ZMAT4: variants seen among roughly 807,000 people sequenced by gnomAD.
ZMAT4 encodes zinc finger matrin-type 4, also known as zinc finger matrin-type protein 4.
Under a neutral mutation model 28.7 loss-of-function variants are expected in ZMAT4, and 17 were observed. The observed-to-expected ratio is 0.59, with a 90% CI of 0.41 to 0.89. The LOEUF (loss-of-function observed/expected upper bound fraction) is 0.89, where lower values mean the gene tolerates loss of function less well. Among genes scored for constraint, ZMAT4 ranks in the 40% least tolerant of loss-of-function variants. ZMAT4 has a pLI of 0.00. For synonymous variants in ZMAT4, 117 were observed against 109.2 expected (o/e 1.07, Z -0.44); for missense variants, 240 against 283.8 (o/e 0.85, Z 1.11).
chr8:40,579,362 G>A (rs999675354), intron 6 of ZMAT4, among the ~76,000 whole-genome samples: 2 of 152,140 alleles, frequency 1.3e-5, no homozygotes, highest in African/African-American at 4.8e-5. Flanking sequence ...AAATGTGTAT[G>A]GTGCCTGTAA....
At chr8:40,567,482 GCA>G (rs1563343491) in intron 6 of ZMAT4, among the ~76,000 whole-genome samples, 1 of 152,110 alleles carries the variant, frequency 6.6e-6, no homozygotes, top group African/African-American at 2.4e-5. Flanking sequence ...TGTAATCCCA[GCA>G]CTCTGGGAGG....
intron 5 of ZMAT4, among the ~76,000 whole-genome samples, chr8:40,589,021 T>C (rs1025023232): frequency 2.0e-5 from 3 of 152,240 alleles, no homozygotes; most frequent in Admixed American, 6.5e-5. Flanking sequence ...ATAAGGTCTT[T>C]GTTTTTGTGT....
At chr8:40,745,147 G>T (rs1812165555) in intron 3 of ZMAT4, among the ~76,000 whole-genome samples, 2 of 152,202 alleles carry the variant, frequency 1.3e-5, no homozygotes, top group Non-Finnish European at 2.9e-5. Context: ...GATGTGGTGA[G>T]CTAGCAGGTC....
chr8:40,705,359 G>A (rs577308666), intron 3 of ZMAT4, among the ~76,000 whole-genome samples: 1 of 151,940 alleles, frequency 6.6e-6, no homozygotes, highest in Non-Finnish European at 1.5e-5. Context: ...GAGCAAAGGT[G>A]GGATGAGAGG....
chr8:40,725,039 A>G (rs1443289099), intron 3 of ZMAT4, among the ~76,000 whole-genome samples: 1 of 152,158 alleles, frequency 6.6e-6, no homozygotes. Flanking sequence ...CCATCACTAC[A>G]TGACTTGCAA....
At chr8:40,601,972 C>T (rs1452067860) in intron 5 of ZMAT4, among the ~76,000 whole-genome samples, 1 of 151,990 alleles carries the variant, frequency 6.6e-6, no homozygotes, top group Non-Finnish European at 1.5e-5. Flanking sequence ...ACCCATCACC[C>T]AATAAGTGTA....
At chr8:40,657,382 G>A (rs906511456) in intron 5 of ZMAT4, among the ~76,000 whole-genome samples, 7 of 151,576 alleles carry the variant, frequency 4.6e-5, no homozygotes, top group African/African-American at 1.7e-4. Flanking sequence ...AAATTCTTTA[G>A]TTTTTGTTGA....
chr8:40,683,627 C>G (rs900776220), intron 4 of ZMAT4, among the ~76,000 whole-genome samples: 2 of 152,142 alleles, frequency 1.3e-5, no homozygotes, highest in African/African-American at 4.8e-5. Flanking sequence ...TCAATCAAAT[C>G]ATTCACTGAG....
chr8:40,880,609 T>C, intron 1 of ZMAT4, among the ~76,000 whole-genome samples: 1 of 152,102 alleles, frequency 6.6e-6, no homozygotes, highest in East Asian at 1.9e-4. Flanking sequence ...CACCACAAAA[T>C]GCCTATGAGG....
At chr8:40,875,145 T>C (rs1477843773) in intron 1 of ZMAT4, among the ~76,000 whole-genome samples, 2 of 152,224 alleles carry the variant, frequency 1.3e-5, no homozygotes, top group Admixed American at 6.5e-5. Context: ...TGTCTATTCC[T>C]GGCCTTCAGA....
chr8:40,599,543 TAA>T (rs1015380658), intron 5 of ZMAT4, among the ~76,000 whole-genome samples: 42 of 152,300 alleles, frequency 2.8e-4, no homozygotes, highest in African/African-American at 9.6e-4. Context: ...CATGAAAAGT[TAA>T]GTTTCTCCTC....
At chr8:40,667,662 C>A (rs1166017279) in intron 5 of ZMAT4, among the ~76,000 whole-genome samples, 1 of 151,914 alleles carries the variant, frequency 6.6e-6, no homozygotes, top group Non-Finnish European at 1.5e-5. Context: ...TGAATAACAC[C>A]ATGGGATCTA....
intron 1 of ZMAT4, among the ~76,000 whole-genome samples, chr8:40,861,462 A>G (rs903436214): frequency 1.2e-4 from 19 of 152,240 alleles, no homozygotes; most frequent in African/African-American, 4.1e-4. Context: ...ACCTAAAACC[A>G]TAAAAACCCT....
At chr8:40,697,143 G>T in intron 4 of ZMAT4, 102 bp downstream of exon 4, 2 of 1,350,040 alleles carry the variant, frequency 1.5e-6, no homozygotes, top group Non-Finnish European at 2.0e-6. Context: ...CTACCATTAG[G>T]CTCTGGTTCT....
chr8:40,586,014 C>T (rs1804661384), intron 5 of ZMAT4, among the ~76,000 whole-genome samples: 1 of 152,168 alleles, frequency 6.6e-6, no homozygotes, highest in Non-Finnish European at 1.5e-5. Flanking sequence ...AGTTCTCACG[C>T]TCTGCAGCCA....
intron 1 of ZMAT4, among the ~76,000 whole-genome samples, chr8:40,857,666 C>T (rs1414279345): frequency 2.0e-5 from 3 of 152,168 alleles, no homozygotes; most frequent in Admixed American, 2.0e-4. Context: ...AAGGATTTCA[C>T]TTCTAGAAGT....
chr8:40,653,907 T>C (rs1807798848), intron 5 of ZMAT4, among the ~76,000 whole-genome samples: 1 of 152,186 alleles, frequency 6.6e-6, no homozygotes, highest in South Asian at 2.1e-4. Context: ...CCCAACTCAC[T>C]CTATAAGTTG....
At chr8:40,633,701 G>A (rs1440322190) in intron 5 of ZMAT4, among the ~76,000 whole-genome samples, 3 of 152,142 alleles carry the variant, frequency 2.0e-5, no homozygotes, top group Non-Finnish European at 4.4e-5. Flanking sequence ...GTTTGAGTCT[G>A]ACTGGGAGCT....
At chr8:40,752,987 A>T (rs1812519945) in intron 3 of ZMAT4, among the ~76,000 whole-genome samples, 1 of 151,984 alleles carries the variant, frequency 6.6e-6, no homozygotes, top group Non-Finnish European at 1.5e-5. Flanking sequence ...TCAACCCGTC[A>T]TCTAGGTTTT....
Sources: allele counts gnomAD v4.1 joint callset (sites outside exome capture counted in the v4.1 genomes callset), GRCh38; gene constraint gnomAD v4.1.1; transcripts MANE v1.5; gene names NCBI Gene and HGNC (gene_info 2026-07-23, HGNC 2026-07-21).